Variants in EIF4E3 observed in about 807,000 individuals in gnomAD.
The protein encoded by EIF4E3 is eukaryotic translation initiation factor 4E family member 3.
EIF4E3 carries 26 observed loss-of-function variants against 31.7 expected under a neutral mutation model. The observed-to-expected ratio is 0.82, with a 90% CI of 0.60 to 1.14. The LOEUF (loss-of-function observed/expected upper bound fraction) is 1.14, where lower values mean the gene tolerates loss of function less well. Among genes scored for constraint, EIF4E3 ranks in the 50% most tolerant of loss-of-function variants. EIF4E3 has a pLI of 0.00. For synonymous variants in EIF4E3, 128 were observed against 107.7 expected (o/e 1.19, Z -1.17); for missense variants, 304 against 270.9 (o/e 1.12, Z -0.86).
At chr3:71,706,615 G>A (rs893426038) in intron 2 of EIF4E3, among the ~76,000 whole-genome samples, 1 of 151,974 alleles carries the variant, frequency 6.6e-6, no homozygotes, top group African/African-American at 2.4e-5. Flanking sequence ...TCAGAAATTC[G>A]AGACTAGCCT....
At chr3:71,737,785 A>G (rs1166070091) in intron 1 of EIF4E3, among the ~76,000 whole-genome samples, 1 of 152,102 alleles carries the variant, frequency 6.6e-6, no homozygotes, top group Non-Finnish European at 1.5e-5. Flanking sequence ...ACAAACAAAC[A>G]AACAAACAAA....
intron 1 of EIF4E3, among the ~76,000 whole-genome samples, chr3:71,752,477 G>A (rs1363749490): frequency 6.6e-6 from 1 of 152,036 alleles, no homozygotes; most frequent in Non-Finnish European, 1.5e-5. Context: ...CTATGATCTT[G>A]CACTATCCTG....
intron 1 of EIF4E3, among the ~76,000 whole-genome samples, chr3:71,746,693 A>C (rs965695030): frequency 2.0e-5 from 3 of 152,204 alleles, no homozygotes; most frequent in African/African-American, 7.2e-5. Context: ...TTTTCTTATG[A>C]TATCCACAGA....
chr3:71,721,866 G>A (rs558188377), intron 1 of EIF4E3, among the ~76,000 whole-genome samples: 1 of 152,262 alleles, frequency 6.6e-6, no homozygotes, highest in African/African-American at 2.4e-5. Flanking sequence ...GAGGCTTGAA[G>A]GACAGGAAAG....
chr3:71,664,129 AG>A, the EIF4E3 span, among the ~76,000 whole-genome samples: 1 of 152,138 alleles, frequency 6.6e-6, no homozygotes, highest in African/African-American at 2.4e-5. Context: ...CTTTATCTAC[AG>A]GGCAATGGGG....
At chr3:71,751,216 A>G (rs1248181654) in intron 1 of EIF4E3, among the ~76,000 whole-genome samples, 2 of 152,088 alleles carry the variant, frequency 1.3e-5, no homozygotes, top group African/African-American at 4.8e-5. Flanking sequence ...TAGGTGACAG[A>G]GTGAGACCCT....
chr3:71,675,302 C>T (rs1445757367), downstream of EIF4E3: 1 of 152,238 alleles, frequency 6.6e-6, no homozygotes, highest in Admixed American at 6.5e-5. Context: ...AATTCTTTTT[C>T]ACCTGCCATC....
At chr3:71,667,068 C>T in the EIF4E3 span, among the ~76,000 whole-genome samples, 1 of 152,220 alleles carries the variant, frequency 6.6e-6, no homozygotes. Context: ...ATCAAGTTGG[C>T]TTCATCCCTG....
At chr3:71,696,719 A>ATT (rs151225724) in intron 3 of EIF4E3, among the ~76,000 whole-genome samples, 199 bp from the exon 4 acceptor site, 19,627 of 141,002 alleles carry the variant, frequency 0.14, 1,740 homozygotes, top group African/African-American at 0.23. Flanking sequence ...GTATATCTGA[A>ATT]TTTTTTTTTT....
At chr3:71,752,888 G>A (rs1480281097) in intron 1 of EIF4E3, among the ~76,000 whole-genome samples, 2 of 152,216 alleles carry the variant, frequency 1.3e-5, no homozygotes, top group African/African-American at 2.4e-5. Context: ...CGGTGTGTCT[G>A]AGAATCATAA....
chr3:71,707,587 T>G (rs1021655447), intron 2 of EIF4E3, among the ~76,000 whole-genome samples: 3 of 152,160 alleles, frequency 2.0e-5, no homozygotes, highest in Non-Finnish European at 4.4e-5. Flanking sequence ...CTTAGGGCAG[T>G]GTTTATCAGC....
intron 1 of EIF4E3, among the ~76,000 whole-genome samples, chr3:71,714,178 C>T (rs2049424706): frequency 6.7e-6 from 1 of 150,242 alleles, no homozygotes; most frequent in African/African-American, 2.5e-5. Flanking sequence ...CGCCACTGCA[C>T]TCCAGCCTGG....
At chr3:71,685,192 A>G (rs979749305) in intron 6 of EIF4E3, among the ~76,000 whole-genome samples, 15 of 152,150 alleles carry the variant, frequency 9.9e-5, no homozygotes, top group African/African-American at 3.6e-4. Context: ...GGTGACAGCA[A>G]TTATATCTAG....
At chr3:71,749,508 C>T (rs1415701334) in intron 1 of EIF4E3, among the ~76,000 whole-genome samples, 1 of 152,190 alleles carries the variant, frequency 6.6e-6, no homozygotes, top group African/African-American at 2.4e-5. Flanking sequence ...TACCTATTGG[C>T]AGGTGACTGG....
At position 71,717,083 on chromosome 3, in the gene EIF4E3, T is replaced by C. The variant is rs924847675; in HGVS notation, c.177-6599A>G. ...ACCACTTACAATCCATATGTATGCC[T>C]AGAGATGCTTCTTACAAAGTAAAGA... On this transcript the variant is annotated intron_variant, in intron 1 of 6. Coordinates refer to ENST00000425534, the MANE Select transcript of EIF4E3 (RefSeq NM_001134651.2). Among the ~76,000 whole-genome samples the C allele has an allele frequency of 7.2e-5, 11 of 152,238 alleles. No homozygotes were observed. In the East Asian group the frequency reaches 2.1e-3, roughly 29 times the overall value.
rs763730519 is a variant in EIF4E3, at chr3:71,690,181, GA to G, written c.473-17del. ...ACTTCATCATCTGAGGGGAAGACAG[GA>G]AAAAAAAAAAATGAGTGATACTTCC... On this transcript the variant is annotated splice_polypyrimidine_tract_variant and intron_variant, in intron 5 of 6. Transcript: ENST00000425534. 0.07 allele frequency: 67,139 copies of G among 953,348 alleles called. 1 individual carries two copies. Among genetic ancestry groups the G allele is most frequent in the South Asian group, 0.12 (6,268 of 53,090 alleles). 59.1% of individuals were successfully genotyped at this position (953,348 alleles called of 1,614,324 possible). A position where few individuals can be genotyped will look rare whatever the true frequency, so the allele number is the denominator to read the frequency against.
chr3:71,730,771 C>A (rs1406502254), intron 1 of EIF4E3, among the ~76,000 whole-genome samples: 1 of 152,002 alleles, frequency 6.6e-6, no homozygotes, highest in Non-Finnish European at 1.5e-5. Flanking sequence ...TGCTCTGTTG[C>A]CCAGGCTGGA....
At chr3:71,733,696 T>C (rs946380113) in intron 1 of EIF4E3, among the ~76,000 whole-genome samples, 3 of 152,182 alleles carry the variant, frequency 2.0e-5, no homozygotes, top group African/African-American at 7.2e-5. Context: ...AGTCAATAAA[T>C]ATCTGAATAA....
At chr3:71,687,340 G>A (rs2049006098) in intron 6 of EIF4E3, among the ~76,000 whole-genome samples, 1 of 152,206 alleles carries the variant, frequency 6.6e-6, no homozygotes, top group African/African-American at 2.4e-5. Context: ...TAGCACTAAA[G>A]CAGCTATAGG....
Sources: gnomAD v4.1 joint callset for allele counts (sites outside exome capture counted in the v4.1 genomes callset) on GRCh38, gnomAD v4.1.1 for gene constraint, MANE v1.5 for transcripts, NCBI Gene and HGNC (gene_info 2026-07-23, HGNC 2026-07-21) for gene names.